The following RNF32 variants were observed in gnomAD, a reference collection of about 807,000 sequenced individuals.
The protein encoded by RNF32 is ring finger protein 32.
A neutral mutation model predicts 41.0 loss-of-function variants in RNF32; 36 were observed. That is an observed-to-expected ratio of 0.88 (90% confidence interval 0.67 to 1.16). The LOEUF is 1.16. Among genes scored for constraint, RNF32 ranks in the 50% most tolerant of loss-of-function variants. The pLI, the probability that RNF32 is intolerant of heterozygous loss-of-function variation, is 0.00. For synonymous variants in RNF32, 154 were observed against 160.9 expected, an observed-to-expected ratio of 0.96 and a Z score of 0.32; for missense variants, 413 against 436.7, an observed-to-expected ratio of 0.95 and a Z score of 0.48.
intron 4 of RNF32, 144 bp from the exon 5 acceptor site, chr7:156,657,397 A>G (rs1421455096): frequency 1.3e-6 from 1 of 746,954 alleles, no homozygotes; most frequent in African/African-American, 1.7e-5. Context: ...AACAAACAAT[A>G]AATAGTATAA....
chr7:156,644,650 C>G lies in RNF32; in HGVS notation c.167C>G (p.Thr56Arg). The G allele has an allele frequency of 6.2e-7, 1 of 1,612,542 alleles. No homozygotes were observed. Residue 56 changes from threonine to arginine, a missense_variant, in exon 3 of 9, where the codon ACA becomes AGA. Coordinates refer to ENST00000317955, the MANE Select transcript of RNF32 (RefSeq NM_030936.4). ...GAGAACAAATCTCTAAAAAGAGATA[C>G]AAAGGCAATAATAGATACTGGACTT... is the stretch of plus-strand genomic sequence containing the variant. ...KKENKSLKRD[T>R]KAIIDTGLKK... is the part of the protein sequence containing the mutation.
At chr7:156,646,252 A>C (rs371394837) in intron 3 of RNF32, among the ~76,000 whole-genome samples, 69 of 152,358 alleles carry the variant, frequency 4.5e-4, no homozygotes, top group African/African-American at 1.5e-3. Context: ...AACAAAAGAA[A>C]TGTATTCTCT....
chr7:156,674,034 C>T (rs183111258), intron 7 of RNF32, among the ~76,000 whole-genome samples: 7 of 152,288 alleles, frequency 4.6e-5, no homozygotes, highest in South Asian at 2.1e-4. Context: ...GAGATCTCCA[C>T]GGGACTTGTT....
At chr7:156,657,345 C>G in intron 4 of RNF32, 196 bp from the exon 5 acceptor site, 1 of 580,454 alleles carries the variant, frequency 1.7e-6, no homozygotes, top group African/African-American at 1.9e-5. Flanking sequence ...TATTTCAGAT[C>G]ATGAATTTTT....
At chr7:156,653,520 G>C (rs140478237) in intron 3 of RNF32, among the ~76,000 whole-genome samples, 241 of 152,282 alleles carry the variant, frequency 1.6e-3, no homozygotes, top group African/African-American at 5.1e-3. Flanking sequence ...TTCTGTACTC[G>C]AAAGTGTCCC....
chr7:156,649,607 T>C (rs1798441842), intron 3 of RNF32, among the ~76,000 whole-genome samples: 1 of 152,224 alleles, frequency 6.6e-6, no homozygotes. Context: ...TTGCTACAGG[T>C]TTTTAAACTC....
intron 1 of RNF32, among the ~76,000 whole-genome samples, chr7:156,641,985 C>T (rs946824018): frequency 3.9e-5 from 6 of 152,254 alleles, no homozygotes; most frequent in African/African-American, 1.4e-4. Context: ...CCCTGGATAT[C>T]TCAGAGATTT....
Position 156,675,794 on chromosome 7 carries a change from T to G in RNF32, c.783T>G (p.Val261=). 6.2e-7 allele frequency: 1 copy of G among 1,614,134 alleles called. No homozygotes were observed. The highest frequency in any genetic ancestry group is 8.5e-7 in the Non-Finnish European group (1 of 1,180,014). Residue 261 remains valine, a synonymous_variant, in exon 8 of 9, where the codon GTT becomes GTG. Coordinates refer to ENST00000317955, the MANE Select transcript of RNF32 (RefSeq NM_030936.4). ...IDQCLAINRS[V]LQQLEEKCGH... is the part of the protein sequence containing the mutation. ...AGTGCTTGGCCATAAATCGAAGTGT[T>G]CTTCAGCAGTTGGAAGAAAAATGTG...
At chr7:156,642,560 T>C (rs1170112638) in intron 1 of RNF32, among the ~76,000 whole-genome samples, 1 of 152,278 alleles carries the variant, frequency 6.6e-6, no homozygotes, top group Non-Finnish European at 1.5e-5. Context: ...GAATACCGTA[T>C]GCTTTACGAG....
Position 156,654,666 on chromosome 7 carries a change from A to G in RNF32, c.365A>G (p.Asp122Gly). 6.2e-7 allele frequency: 1 copy of G among 1,613,596 alleles called. No individual in the cohort carries two copies. Among genetic ancestry groups the G allele is most frequent in the Non-Finnish European group, 8.5e-7 (1 of 1,179,812 alleles). ...KVKQRSLLQGDSVQPCPICKE... is the reference protein window; with the variant it reads ...KVKQRSLLQGGSVQPCPICKE... ...AAACAGCGCTCTCTCCTGCAAGGGGACTCCGTGCAACCATGCCCCATCTGT... is the reference window on the plus strand; with the variant it reads ...AAACAGCGCTCTCTCCTGCAAGGGGGCTCCGTGCAACCATGCCCCATCTGT... Residue 122 changes from aspartate (D) to glycine (G), a missense_variant, in exon 4 of 9, where the codon GAC (aspartate) becomes GGC (glycine). By Grantham distance (94) the Asp-to-Gly change is moderately conservative. Transcript: ENST00000317955.
chr7:156,676,189 C>T, intron 8 of RNF32: 2 of 1,330,528 alleles, frequency 1.5e-6, no homozygotes, highest in East Asian at 2.5e-5. Flanking sequence ...TTGCTTATCA[C>T]AGGTGGGTTA....
intron 7 of RNF32, among the ~76,000 whole-genome samples, chr7:156,662,567 C>T (rs1041031683): frequency 7.9e-5 from 12 of 152,074 alleles, no homozygotes; most frequent in South Asian, 2.1e-4. Context: ...CACTCTCTTG[C>T]GTGTGCTTTC....
chr7:156,653,520 G>T (rs140478237), intron 3 of RNF32, among the ~76,000 whole-genome samples: 3 of 152,164 alleles, frequency 2.0e-5, no homozygotes, highest in Admixed American at 6.5e-5. Flanking sequence ...TTCTGTACTC[G>T]AAAGTGTCCC....
At position 156,658,672 on chromosome 7, in the gene RNF32, CACTTT is replaced by C. The variant is rs1485544838; in HGVS notation, c.684+103_684+107del. On this transcript the variant is annotated intron_variant, in intron 7 of 8. Coordinates refer to ENST00000317955, the MANE Select transcript of RNF32 (RefSeq NM_030936.4). ...GGTGGTAAAACTTTGAGACTTACTT[CACTTT>C]GAGGGCTTTTTAAAAATGGGTGAGA... is the stretch of plus-strand genomic sequence containing the variant. 1.9e-5 allele frequency: 16 copies of C among 837,532 alleles called. No individual in the cohort carries two copies. The South Asian group carries it at 2.1e-4, about 11-fold the overall frequency. The allele number at this position is 837,532 out of a possible 1,614,324, so 51.9% of individuals were successfully genotyped here.
At chr7:156,659,447 T>G (rs1376032573) in intron 7 of RNF32, 2 of 985,336 alleles carry the variant, frequency 2.0e-6, no homozygotes, top group African/African-American at 3.5e-5. Context: ...TGCGTCATCC[T>G]TCCTTTACAT....
chr7:156,656,209 G>A (rs1799648644), intron 4 of RNF32, among the ~76,000 whole-genome samples: 1 of 152,200 alleles, frequency 6.6e-6, no homozygotes, highest in African/African-American at 2.4e-5. Context: ...GTAGGCCGAC[G>A]CAGAAAGTAT....
chr7:156,642,458 C>G (rs531775806), intron 1 of RNF32, among the ~76,000 whole-genome samples: 3 of 152,220 alleles, frequency 2.0e-5, no homozygotes, highest in Non-Finnish European at 4.4e-5. Flanking sequence ...GAAGCACCTC[C>G]CCCTACCATG....
chr7:156,652,142 G>C (rs1249879836), intron 3 of RNF32, among the ~76,000 whole-genome samples: 1 of 152,320 alleles, frequency 6.6e-6, no homozygotes, highest in African/African-American at 2.4e-5. Flanking sequence ...AGCTAATAAG[G>C]AATCTTGATA....
intron 7 of RNF32, chr7:156,659,606 A>G: frequency 1.1e-6 from 1 of 935,968 alleles, no homozygotes; most frequent in Non-Finnish European, 1.3e-6. Flanking sequence ...CAGATTTGAT[A>G]GTCATTTTAC....
Sources: allele counts gnomAD v4.1 joint callset (sites outside exome capture counted in the v4.1 genomes callset), GRCh38; gene constraint gnomAD v4.1.1; transcripts MANE v1.5; gene names NCBI Gene and HGNC (gene_info 2026-07-23, HGNC 2026-07-21).